The following NRXN3 variants were observed in gnomAD, a reference collection of about 807,000 sequenced individuals.
The protein encoded by NRXN3 is neurexin III.
In NRXN3, 32 loss-of-function variants were observed where a neutral mutation model predicts 137.6. The observed-to-expected ratio is 0.23, with a 90% CI of 0.18 to 0.31. The LOEUF is 0.31. Ranked by LOEUF, NRXN3 falls within the 10% of genes least tolerant of loss-of-function variation. NRXN3 has a pLI of 1.00. For missense variants in NRXN3, 1,574 were observed against 2,062.5 expected, an observed-to-expected ratio of 0.76 and a Z score of 4.59; for synonymous variants, 798 against 784.5, an observed-to-expected ratio of 1.02 and a Z score of -0.29.
At chr14:78,223,771 G>A (rs1285757558) in intron 1 of NRXN3, among the ~76,000 whole-genome samples, 2 of 152,232 alleles carry the variant, frequency 1.3e-5, no homozygotes, top group Non-Finnish European at 2.9e-5. Context: ...TGGACATGCT[G>A]ACCTGGGACA....
Position 79,010,765 on chromosome 14 carries a change from C to A in NRXN3, c.3262+22624C>A, listed in dbSNP as rs114464829. Among the ~76,000 whole-genome samples, 100 of 152,074 alleles carry A rather than the reference C, an allele frequency of 6.6e-4. 1 individual carries two copies. The highest frequency in any genetic ancestry group is 2.2e-3 in the African/African-American group (93 of 41,456). ...TACCCAAACAAGTAGATATTATTGCCCCTTTAATAACAGTGAAGGAAACTG... is the reference window on the plus strand; with the variant it reads ...TACCCAAACAAGTAGATATTATTGCACCTTTAATAACAGTGAAGGAAACTG... On this transcript the variant is annotated intron_variant, in intron 15 of 20. Coordinates refer to ENST00000335750, the MANE Select transcript of NRXN3 (RefSeq NM_001330195.2).
At chr14:79,788,737 G>T (rs1449347295) in intron 19 of NRXN3, among the ~76,000 whole-genome samples, 1 of 152,166 alleles carries the variant, frequency 6.6e-6, no homozygotes, top group Non-Finnish European at 1.5e-5. Flanking sequence ...GGAAAATAGT[G>T]TAAGTCAATA....
At chr14:79,652,038 A>AGTT (rs2098478832) in intron 16 of NRXN3, among the ~76,000 whole-genome samples, 2 of 152,152 alleles carry the variant, frequency 1.3e-5, no homozygotes, top group South Asian at 4.1e-4. Context: ...ACGATATTAC[A>AGTT]GTTGGATTAT....
At chr14:78,860,386 C>T (rs186433482) in intron 10 of NRXN3, among the ~76,000 whole-genome samples, 2 of 152,228 alleles carry the variant, frequency 1.3e-5, no homozygotes, top group Admixed American at 6.5e-5. Context: ...TGCCCTCCAT[C>T]TTATATAAAC....
intron 15 of NRXN3, among the ~76,000 whole-genome samples, chr14:79,171,269 T>C (rs2061750294): frequency 6.6e-6 from 1 of 152,148 alleles, no homozygotes; most frequent in Non-Finnish European, 1.5e-5. Flanking sequence ...CATTTGCTCT[T>C]CCTCTGTCTT....
At chr14:78,938,855 T>C (rs1266794334) in intron 10 of NRXN3, among the ~76,000 whole-genome samples, 2 of 148,244 alleles carry the variant, frequency 1.3e-5, no homozygotes, top group Admixed American at 1.3e-4. Flanking sequence ...TTTCTTTTTT[T>C]TTTTTTTTTG....
intron 10 of NRXN3, among the ~76,000 whole-genome samples, chr14:78,854,886 T>C (rs1358479495): frequency 1.3e-5 from 2 of 151,998 alleles, no homozygotes; most frequent in Non-Finnish European, 2.9e-5. Flanking sequence ...CCAGGGAATA[T>C]TGTCACTGAG....
At chr14:78,308,510 C>T (rs1000491748) in intron 4 of NRXN3, among the ~76,000 whole-genome samples, 1 of 152,102 alleles carries the variant, frequency 6.6e-6, no homozygotes, top group Non-Finnish European at 1.5e-5. Context: ...TATTTTAGCA[C>T]AGACACAGAT....
chr14:78,737,483 G>A (rs78676516), intron 8 of NRXN3, among the ~76,000 whole-genome samples: 2,718 of 152,268 alleles, frequency 0.018, 44 homozygotes, highest in Middle Eastern at 0.044. Flanking sequence ...AGAGCAAAGT[G>A]ATGGGTGCCC....
At chr14:79,498,741 T>A (rs1159635652) in intron 16 of NRXN3, among the ~76,000 whole-genome samples, 1 of 152,228 alleles carries the variant, frequency 6.6e-6, no homozygotes, top group African/African-American at 2.4e-5. Flanking sequence ...CTTACCTGAA[T>A]TGCTGCAAGC....
At chr14:78,872,434 C>G (rs2099103785) in intron 10 of NRXN3, among the ~76,000 whole-genome samples, 1 of 151,286 alleles carries the variant, frequency 6.6e-6, no homozygotes, top group Admixed American at 6.6e-5. Flanking sequence ...AATCAGTTTT[C>G]TATTCTCTGC....
intron 8 of NRXN3, among the ~76,000 whole-genome samples, chr14:78,783,208 G>A (rs777387182): frequency 6.6e-6 from 1 of 152,148 alleles, no homozygotes; most frequent in Non-Finnish European, 1.5e-5. Context: ...CAAGGCATGG[G>A]AATATCATGA....
chr14:78,384,509 A>C lies in NRXN3; in HGVS notation c.757+86649A>C, dbSNP rs117948949. Among the ~76,000 whole-genome samples the C allele has an allele frequency of 6.8e-3, 1,033 of 152,324 alleles. 42 individuals carry two copies. Among genetic ancestry groups the C allele is most frequent in the Admixed American group, 0.047 (721 of 15,298 alleles). On this transcript the variant is annotated intron_variant, in intron 4 of 20. Coordinates refer to ENST00000335750, the MANE Select transcript of NRXN3 (RefSeq NM_001330195.2). Reference sequence around the variant, plus strand: ...CATGAGAGGTCTCAAACACACCAGCAATTTTCAACTTTTATTTTTTAAACA... The same window carrying C: ...CATGAGAGGTCTCAAACACACCAGCCATTTTCAACTTTTATTTTTTAAACA...
At chr14:79,813,212 A>G (rs2099240825) in intron 20 of NRXN3, among the ~76,000 whole-genome samples, 2 of 152,112 alleles carry the variant, frequency 1.3e-5, no homozygotes, top group Non-Finnish European at 2.9e-5. Context: ...CAAACAAAGC[A>G]TGTTGATTTT....
chr14:79,388,368 CT>C (rs141962686), intron 15 of NRXN3, among the ~76,000 whole-genome samples: 3 of 151,448 alleles, frequency 2.0e-5, no homozygotes, highest in African/African-American at 4.8e-5. Context: ...AACACAGTGG[CT>C]TTTTTTTTCT....
intron 6 of NRXN3, among the ~76,000 whole-genome samples, chr14:78,669,532 C>A (rs560083450): frequency 3.3e-5 from 5 of 152,190 alleles, no homozygotes; most frequent in Non-Finnish European, 5.9e-5. Context: ...TGCTAAAGAC[C>A]AGGCTCTGTG....
intron 15 of NRXN3, among the ~76,000 whole-genome samples, chr14:79,395,397 A>G (rs963129309): frequency 1.3e-5 from 2 of 152,200 alleles, no homozygotes; most frequent in African/African-American, 4.8e-5. Context: ...TTTTCTTCAT[A>G]AAGGCAAAAC....
intron 15 of NRXN3, among the ~76,000 whole-genome samples, chr14:79,002,797 G>A (rs879708049): frequency 9.9e-5 from 15 of 152,046 alleles, no homozygotes; most frequent in African/African-American, 3.6e-4. Context: ...TTGCCACACC[G>A]TCTTCCACAA....
chr14:79,404,083 C>T (rs1454118600), intron 15 of NRXN3, among the ~76,000 whole-genome samples: 2 of 152,150 alleles, frequency 1.3e-5, no homozygotes, highest in African/African-American at 4.8e-5. Context: ...GCGATTACAA[C>T]AGCAGCAAAC....
Sources: allele counts gnomAD v4.1 joint callset (sites outside exome capture counted in the v4.1 genomes callset), GRCh38; gene constraint gnomAD v4.1.1; transcripts MANE v1.5; gene names NCBI Gene and HGNC (gene_info 2026-07-23, HGNC 2026-07-21).